Variants in CSMD1 observed in about 807,000 individuals in gnomAD.
The protein encoded by CSMD1 is CUB and Sushi multiple domains 1, also known as CUB and sushi domain-containing protein 1.
Under a neutral mutation model 417.5 loss-of-function variants are expected in CSMD1, and 213 were observed. The ratio of observed to expected loss-of-function variants is 0.51; its 90% CI spans 0.46 to 0.57. The LOEUF (loss-of-function observed/expected upper bound fraction) is 0.57, where lower values mean the gene tolerates loss of function less well. CSMD1 is among the 20% of genes least tolerant of loss of function. CSMD1 has a pLI of 0.00. For synonymous variants in CSMD1, 2,862 were observed against 1,736.8 expected, an observed-to-expected ratio of 1.65 and a Z score of -16.11; for missense variants, 6,923 against 4,529.7, an observed-to-expected ratio of 1.53 and a Z score of -15.17.
At chr8:4,549,868 G>T (rs1797790624) in intron 2 of CSMD1, among the ~76,000 whole-genome samples, 1 of 119,772 alleles carries the variant, frequency 8.3e-6, no homozygotes, top group African/African-American at 3.1e-5. Flanking sequence ...CTGCACTCCA[G>T]CCAGAGTGAC....
At chr8:3,399,743 T>C (rs1281788610) in intron 15 of CSMD1, among the ~76,000 whole-genome samples, 1 of 152,226 alleles carries the variant, frequency 6.6e-6, no homozygotes, top group Non-Finnish European at 1.5e-5. Flanking sequence ...TGAAGCAAAG[T>C]TCTTTTTCTC....
chr8:2,936,345 G>C lies in CSMD1; in HGVS notation c.*2240C>G, dbSNP rs924759826. On this transcript the variant is annotated 3_prime_UTR_variant, in exon 70 of 70. Coordinates refer to ENST00000635120, the MANE Select transcript of CSMD1 (RefSeq NM_033225.6). ...GAAGTCAGCATTTTGCACCTAGTTT[G>C]AATGACTCAAACTTAGATATGTACA... 1 of 150,064 alleles carries C rather than the reference G, an allele frequency of 6.7e-6. No homozygotes were observed. The allele number at this position is 150,064 out of a possible 1,614,324, so 9.3% of individuals were successfully genotyped here. A position where few individuals can be genotyped will look rare whatever the true frequency, so the allele number is the denominator to read the frequency against.
rs1163842745 is a variant in CSMD1, at chr8:3,268,289, A to ATTTTTTT, written c.4153+15848_4153+15854dup. On this transcript the variant is annotated intron_variant, in intron 26 of 69. Coordinates refer to ENST00000635120, the MANE Select transcript of CSMD1 (RefSeq NM_033225.6). Reference sequence around the variant, plus strand: ...GGTGTGGTCAGATGGTTCATTTCCTATTTTTTTTTTTTTTTTTTTTTTTTT... The same window carrying ATTTTTTT: ...GGTGTGGTCAGATGGTTCATTTCCTATTTTTTTTTTTTTTTTTTTTTTTTTTTTTTTT... Among the ~76,000 whole-genome samples the ATTTTTTT allele has an allele frequency of 8.3e-5, 7 of 84,302 alleles. 1 individual carries two copies. The highest frequency in any genetic ancestry group is 1.8e-4 in the African/African-American group (4 of 22,772). The allele number at this position is 84,302 out of a possible 152,430, so 55.3% of individuals were successfully genotyped here. A position where few individuals can be genotyped will look rare whatever the true frequency, so the allele number is the denominator to read the frequency against.
intron 3 of CSMD1, among the ~76,000 whole-genome samples, chr8:4,109,038 C>T (rs558497835): frequency 6.6e-5 from 10 of 152,296 alleles, no homozygotes; most frequent in Non-Finnish European, 1.3e-4. Context: ...TCTACAGATG[C>T]TCAAGTCCGT....
At chr8:4,461,086 G>T (rs1331226608) in intron 2 of CSMD1, among the ~76,000 whole-genome samples, 1 of 150,542 alleles carries the variant, frequency 6.6e-6, no homozygotes, top group Non-Finnish European at 1.5e-5. Flanking sequence ...TTTATCTCAG[G>T]AATGCAAGAT....
chr8:4,431,597 G>C (rs1243733304), intron 2 of CSMD1, among the ~76,000 whole-genome samples: 1 of 152,082 alleles, frequency 6.6e-6, no homozygotes, highest in Non-Finnish European at 1.5e-5. Flanking sequence ...CTACCTCTTT[G>C]TGGCAAAAAC....
At chr8:4,114,034 T>A (rs1039756255) in intron 3 of CSMD1, among the ~76,000 whole-genome samples, 1 of 152,200 alleles carries the variant, frequency 6.6e-6, no homozygotes, top group Non-Finnish European at 1.5e-5. Context: ...CTAAGATCAT[T>A]GATGAAGACG....
At position 4,274,569 on chromosome 8, in the gene CSMD1, T is replaced by A. The variant is rs143800753; in HGVS notation, c.415+145384A>T. ...CTGTGTTTATAGGGAAGGCCTTCTG[T>A]TCTTTAAATTATATCTATTCTATTA... is the stretch of plus-strand genomic sequence containing the variant. On this transcript the variant is annotated intron_variant, in intron 3 of 69. Coordinates refer to ENST00000635120, the MANE Select transcript of CSMD1 (RefSeq NM_033225.6). Among the ~76,000 whole-genome samples the A allele has an allele frequency of 1.4e-3, 207 of 152,288 alleles. No individual in the cohort carries two copies. The Middle Eastern group carries it at 0.014, about 10-fold the overall frequency.
intron 5 of CSMD1, among the ~76,000 whole-genome samples, chr8:3,772,979 T>A (rs1177242625): frequency 6.6e-6 from 1 of 152,080 alleles, no homozygotes; most frequent in Non-Finnish European, 1.5e-5. Flanking sequence ...GGATCCCACT[T>A]CTGGGAAGGA....
At chr8:3,908,992 TCTC>T (rs1808285307) in intron 5 of CSMD1, among the ~76,000 whole-genome samples, 2 of 152,214 alleles carry the variant, frequency 1.3e-5, no homozygotes, top group Non-Finnish European at 1.5e-5. Flanking sequence ...ACTACAGTGT[TCTC>T]CTTCACTACT....
chr8:4,700,391 T>C (rs770689502), intron 1 of CSMD1, among the ~76,000 whole-genome samples: 84 of 152,236 alleles, frequency 5.5e-4, no homozygotes, highest in South Asian at 1.7e-3. Flanking sequence ...TCATTTGCTA[T>C]ACTTTGCTTT....
In CSMD1 at chr8:3,169,205, C is replaced by G. The variant is rs78886288; in HGVS notation, c.5726-6928G>C. 6.0e-3 allele frequency among the ~76,000 whole-genome samples: 921 copies of G among 152,264 alleles called. 24 individuals are homozygous for G. The East Asian group carries it at 0.11, about 18-fold the overall frequency. ...CATGCATCTCAGTGAATTACAGACT[C>G]CACCCCAAACAGTACAGCCCTGTTT... is the stretch of plus-strand genomic sequence containing the variant. On this transcript the variant is annotated intron_variant, in intron 37 of 69. Coordinates refer to ENST00000635120, the MANE Select transcript of CSMD1 (RefSeq NM_033225.6).
At chr8:4,738,764 G>C (rs912966812) in intron 1 of CSMD1, among the ~76,000 whole-genome samples, 5 of 152,068 alleles carry the variant, frequency 3.3e-5, no homozygotes, top group Admixed American at 3.3e-4. Context: ...TCTGAATACA[G>C]GATTAAGCTT....
chr8:4,148,027 T>C (rs1223458807), intron 3 of CSMD1, among the ~76,000 whole-genome samples: 3 of 152,074 alleles, frequency 2.0e-5, no homozygotes, highest in African/African-American at 7.2e-5. Context: ...TTTCCCATAG[T>C]CTGTTCTATG....
At chr8:4,466,412 A>C (rs990912631) in intron 2 of CSMD1, among the ~76,000 whole-genome samples, 4 of 152,210 alleles carry the variant, frequency 2.6e-5, no homozygotes, top group Admixed American at 1.3e-4. Flanking sequence ...GCCAAAAAAA[A>C]CACTCACTTT....
intron 1 of CSMD1, among the ~76,000 whole-genome samples, chr8:4,781,859 C>G (rs1441383272): frequency 2.6e-5 from 4 of 152,116 alleles, no homozygotes; most frequent in African/African-American, 4.8e-5. Context: ...GTTTACATAT[C>G]GAGAGGGTCA....
At chr8:3,099,840 T>A (rs1229084492) in intron 46 of CSMD1, among the ~76,000 whole-genome samples, 5 of 152,190 alleles carry the variant, frequency 3.3e-5, no homozygotes, top group African/African-American at 1.2e-4. Context: ...TTCCCACTAG[T>A]TTACAGAGGA....
At chr8:4,955,375 G>T (rs1277265707) in intron 1 of CSMD1, among the ~76,000 whole-genome samples, 1 of 151,880 alleles carries the variant, frequency 6.6e-6, no homozygotes. Flanking sequence ...ATTATGATTG[G>T]TGTCTTTCAT....
chr8:4,205,511 T>C (rs964593308), intron 3 of CSMD1, among the ~76,000 whole-genome samples: 1 of 152,214 alleles, frequency 6.6e-6, no homozygotes, highest in Non-Finnish European at 1.5e-5. Context: ...TAACTATCTT[T>C]ATTTCATTTT....
Sources: allele counts gnomAD v4.1 joint callset (sites outside exome capture counted in the v4.1 genomes callset), GRCh38; gene constraint gnomAD v4.1.1; transcripts MANE v1.5; gene names NCBI Gene and HGNC (gene_info 2026-07-23, HGNC 2026-07-21).